Variants in CFTR observed in about 807,000 individuals in gnomAD.
CFTR encodes cystic fibrosis transmembrane conductance regulator.
A neutral mutation model predicts 171.6 loss-of-function variants in CFTR; 181 were observed. The observed-to-expected ratio is 1.05, with a 90% confidence interval of 0.93 to 1.19. CFTR has a LOEUF of 1.19. Among genes scored for constraint, CFTR ranks in the 50% most tolerant of loss-of-function variants. The pLI is 0.00. For synonymous variants in CFTR, 583 were observed against 608.0 expected, an observed-to-expected ratio of 0.96 and a Z score of 0.60; for missense variants, 1,968 against 1,734.7, an observed-to-expected ratio of 1.13 and a Z score of -2.39.
chr7:117,562,599 G>A (rs925102061), intron 11 of CFTR, among the ~76,000 whole-genome samples: 7 of 152,154 alleles, frequency 4.6e-5, no homozygotes, highest in African/African-American at 1.7e-4. Context: ...ACTTGTGTGA[G>A]TATCTTATGC....
intron 19 of CFTR, 142 bp from the exon 20 acceptor site, chr7:117,611,439 C>T: frequency 1.5e-6 from 1 of 659,898 alleles, no homozygotes; most frequent in East Asian, 2.7e-5. Flanking sequence ...CAAAGAATGG[C>T]ACCAGTGTGA....
chr7:117,540,398 T>C, intron 8 of CFTR, 52 bp downstream of exon 8: 7 of 1,543,226 alleles, frequency 4.5e-6, no homozygotes, highest in Non-Finnish European at 6.2e-6. Context: ...AATCAGTCAA[T>C]AGATCAGTTC....
intron 24 of CFTR, among the ~76,000 whole-genome samples, chr7:117,663,796 C>A (rs1480364540): frequency 6.6e-6 from 1 of 152,136 alleles, no homozygotes; most frequent in Non-Finnish European, 1.5e-5. Flanking sequence ...ATCTCTTTGG[C>A]CTTCATACAC....
intron 23 of CFTR, among the ~76,000 whole-genome samples, chr7:117,645,522 C>CA (rs1792984842): frequency 6.6e-6 from 1 of 152,200 alleles, no homozygotes. Context: ...GGCCAGCTCC[C>CA]AAGCCCTGTT....
At chr7:117,580,602 G>T (rs1248153914) in intron 11 of CFTR, among the ~76,000 whole-genome samples, 1 of 152,072 alleles carries the variant, frequency 6.6e-6, no homozygotes, top group Non-Finnish European at 1.5e-5. Flanking sequence ...TCATTTTTAT[G>T]AGGAGGGGTG....
At chr7:117,572,374 T>C (rs1791705180) in intron 11 of CFTR, among the ~76,000 whole-genome samples, 1 of 152,206 alleles carries the variant, frequency 6.6e-6, no homozygotes, top group Admixed American at 6.5e-5. Context: ...CTTTAGCCAA[T>C]ATTTCTATAT....
intron 22 of CFTR, among the ~76,000 whole-genome samples, chr7:117,636,311 C>G (rs1480949491): frequency 6.6e-6 from 1 of 151,824 alleles, no homozygotes; most frequent in East Asian, 1.9e-4. Flanking sequence ...ACATGATATG[C>G]CTTTCTTTTT....
At chr7:117,537,248 A>C (rs891659990) in intron 7 of CFTR, among the ~76,000 whole-genome samples, 1 of 152,176 alleles carries the variant, frequency 6.6e-6, no homozygotes, top group African/African-American at 2.4e-5. Flanking sequence ...AGTACTTGGC[A>C]CCTATCTCTA....
chr7:117,599,035 T>C (rs1178771266), intron 15 of CFTR, among the ~76,000 whole-genome samples: 1 of 152,206 alleles, frequency 6.6e-6, no homozygotes, highest in Non-Finnish European at 1.5e-5. Flanking sequence ...AAAATTTTAA[T>C]AATTCCTTTT....
chr7:117,649,522 T>TTC (rs1180728777), intron 23 of CFTR, among the ~76,000 whole-genome samples: 2 of 148,980 alleles, frequency 1.3e-5, no homozygotes, highest in African/African-American at 2.5e-5. Context: ...TATATATATT[T>TTC]TTTTTTTCCT....
At chr7:117,551,808 A>G (rs991044364) in intron 10 of CFTR, among the ~76,000 whole-genome samples, 2 of 152,176 alleles carry the variant, frequency 1.3e-5, no homozygotes, top group Admixed American at 1.3e-4. Flanking sequence ...GGGGAGTTTC[A>G]GTCCTTCTGT....
chr7:117,618,681 A>G (rs1447002249), intron 21 of CFTR, among the ~76,000 whole-genome samples: 1 of 152,178 alleles, frequency 6.6e-6, no homozygotes, highest in African/African-American at 2.4e-5. Flanking sequence ...GTTTCCGTTC[A>G]GTATCTCCTT....
intron 17 of CFTR, 150 bp downstream of exon 17, chr7:117,603,932 A>C (rs1792266798): frequency 3.7e-6 from 3 of 807,452 alleles, no homozygotes; most frequent in Non-Finnish European, 6.3e-6. Flanking sequence ...CATGTCTCAG[A>C]TATTATAGGT....
At chr7:117,638,159 C>T (rs2116154998) in intron 22 of CFTR, among the ~76,000 whole-genome samples, 1 of 152,236 alleles carries the variant, frequency 6.6e-6, no homozygotes, top group South Asian at 2.1e-4. Flanking sequence ...ATTCTCTGTA[C>T]CTAACTGCCT....
chr7:117,504,045 C>T (rs1752416510), intron 1 of CFTR, among the ~76,000 whole-genome samples: 1 of 152,116 alleles, frequency 6.6e-6, no homozygotes, highest in African/African-American at 2.4e-5. Context: ...GACAAAGTGA[C>T]AGTCACATTA....
At chr7:117,596,458 C>T (rs1192909903) in intron 15 of CFTR, among the ~76,000 whole-genome samples, 1 of 152,242 alleles carries the variant, frequency 6.6e-6, no homozygotes, top group African/African-American at 2.4e-5. Flanking sequence ...CTCCACGGCA[C>T]CCAGTCCCAT....
intron 7 of CFTR, among the ~76,000 whole-genome samples, chr7:117,537,543 G>A (rs1401390047): frequency 6.6e-5 from 10 of 152,244 alleles, no homozygotes; most frequent in Admixed American, 5.2e-4. Flanking sequence ...AAAAAGAGAG[G>A]TACCATTTTG....
intron 10 of CFTR, among the ~76,000 whole-genome samples, chr7:117,552,828 G>A (rs568851719): frequency 6.6e-6 from 1 of 152,136 alleles, no homozygotes; most frequent in African/African-American, 2.4e-5. Flanking sequence ...AAAGCACAGA[G>A]GACTTGCACA....
intron 3 of CFTR, among the ~76,000 whole-genome samples, chr7:117,515,668 A>T (rs913839868): frequency 3.3e-5 from 5 of 151,544 alleles, no homozygotes; most frequent in African/African-American, 4.9e-5. Context: ...ATTTAAAATA[A>T]TTTTTTTTTA....
Sources: allele counts gnomAD v4.1 joint callset (sites outside exome capture counted in the v4.1 genomes callset), GRCh38; gene constraint gnomAD v4.1.1; transcripts MANE v1.5; gene names NCBI Gene and HGNC (gene_info 2026-07-23, HGNC 2026-07-21).